Variants in EXT1 observed in about 807,000 individuals in gnomAD.
EXT1 encodes the protein exostosin glycosyltransferase 1.
EXT1 carries 20 observed loss-of-function variants against 82.5 expected under a neutral mutation model. The observed-to-expected ratio is 0.24, with a 90% confidence interval of 0.17 to 0.35. EXT1 has a LOEUF of 0.35. Ranked by LOEUF, EXT1 falls within the 10% of genes least tolerant of loss-of-function variation. The pLI is 1.00. For missense variants in EXT1, 757 were observed against 936.5 expected (o/e 0.81, Z 2.50); for synonymous variants, 348 against 350.8 (o/e 0.99, Z 0.09).
intron 1 of EXT1, among the ~76,000 whole-genome samples, chr8:117,959,286 C>G (rs1325901415): frequency 6.6e-6 from 1 of 152,176 alleles, no homozygotes; most frequent in African/African-American, 2.4e-5. Flanking sequence ...AAGCTCTAGC[C>G]TAGCACACAA....
intron 1 of EXT1, among the ~76,000 whole-genome samples, chr8:117,849,297 T>C (rs942865680): frequency 7.2e-5 from 11 of 152,178 alleles, no homozygotes; most frequent in African/African-American, 2.7e-4. Context: ...ACCTTCTTTC[T>C]CCCCAAATGT....
At chr8:117,874,162 G>A (rs1812925228) in intron 1 of EXT1, among the ~76,000 whole-genome samples, 1 of 152,148 alleles carries the variant, frequency 6.6e-6, no homozygotes, top group Non-Finnish European at 1.5e-5. Flanking sequence ...TTTTTAAATA[G>A]AAATGAACAG....
chr8:117,992,961 G>T (rs1221656776), intron 1 of EXT1, among the ~76,000 whole-genome samples: 1 of 152,190 alleles, frequency 6.6e-6, no homozygotes, highest in African/African-American at 2.4e-5. Flanking sequence ...CAGCATCTTA[G>T]CTGATTTCAC....
intron 1 of EXT1, among the ~76,000 whole-genome samples, chr8:118,100,471 G>A (rs190578208): frequency 5.3e-5 from 8 of 152,198 alleles, no homozygotes; most frequent in East Asian, 3.9e-4. Flanking sequence ...AATTGGAGGC[G>A]GGGTGCGGAG....
chr8:117,921,261 G>A (rs1320891428), intron 1 of EXT1, among the ~76,000 whole-genome samples: 2 of 152,106 alleles, frequency 1.3e-5, no homozygotes, highest in African/African-American at 2.4e-5. Context: ...GCTAACAGGT[G>A]CTCCTTTTAT....
intron 1 of EXT1, among the ~76,000 whole-genome samples, chr8:117,984,338 G>A (rs1037964397): frequency 4.6e-5 from 7 of 151,880 alleles, no homozygotes; most frequent in African/African-American, 1.7e-4. Flanking sequence ...AGAATCGCTT[G>A]AACCTGGGGT....
intron 1 of EXT1, among the ~76,000 whole-genome samples, chr8:118,014,049 C>A (rs1276997064): frequency 6.6e-6 from 1 of 152,176 alleles, no homozygotes; most frequent in Non-Finnish European, 1.5e-5. Flanking sequence ...GCAGTGATAA[C>A]ACCTCACAGG....
Position 118,075,482 on chromosome 8 carries a change from CATT to C in EXT1, c.962+34600_962+34602del, listed in dbSNP as rs199698287. ...AGTGTTTCTAACGACACAAGTTTCT[CATT>C]ATTTAAACAATGAAAGAAGTTCCTT... On this transcript the variant is annotated intron_variant, in intron 1 of 10. Transcript: ENST00000378204. Among the ~76,000 whole-genome samples, 327 of 152,276 alleles carry C rather than the reference CATT, an allele frequency of 2.1e-3. 3 individuals are homozygous for C. Among genetic ancestry groups the C allele is most frequent in the East Asian group, 9.3e-3 (48 of 5,182 alleles).
intron 1 of EXT1, among the ~76,000 whole-genome samples, chr8:117,903,896 C>A (rs1357511634): frequency 2.0e-5 from 3 of 152,210 alleles, no homozygotes; most frequent in South Asian, 2.1e-4. Context: ...TGGGAACAGT[C>A]AAATTCTTAG....
chr8:117,972,243 G>C (rs1159310031), intron 1 of EXT1, among the ~76,000 whole-genome samples: 2 of 151,902 alleles, frequency 1.3e-5, no homozygotes, highest in Admixed American at 6.6e-5. Context: ...GATTTCCAGA[G>C]TGCAGTCAAA....
chr8:117,857,374 A>G (rs1669161626), intron 1 of EXT1, among the ~76,000 whole-genome samples: 1 of 152,104 alleles, frequency 6.6e-6, no homozygotes, highest in Non-Finnish European at 1.5e-5. Context: ...TGGGCAACAT[A>G]GCAAGACCTC....
rs1760529468 is a variant in EXT1 at position 118,052,515 on chromosome 8, AT to A, written c.962+57569del. Among the ~76,000 whole-genome samples, 3 of 152,260 alleles carry A rather than the reference AT, an allele frequency of 2.0e-5. No individual in the cohort carries two copies. The South Asian group carries it at 6.2e-4, about 32-fold the overall frequency. On this transcript the variant is annotated intron_variant, in intron 1 of 10. Transcript: ENST00000378204. ...ACCTGAACTGCTGGAAGGATTTTAC[AT>A]ACTTGTAAGACAACTGGGCTAATGT...
intron 1 of EXT1, among the ~76,000 whole-genome samples, chr8:118,059,318 C>T (rs568134960): frequency 2.6e-5 from 4 of 152,268 alleles, no homozygotes; most frequent in East Asian, 1.9e-4. Context: ...ATACCCTTCC[C>T]GCTATGGTCC....
chr8:118,001,297 G>T (rs755832163), intron 1 of EXT1, among the ~76,000 whole-genome samples: 1 of 151,938 alleles, frequency 6.6e-6, no homozygotes, highest in Non-Finnish European at 1.5e-5. Context: ...GGCAATTCTC[G>T]TGCCTCAGCC....
At chr8:117,835,626 T>A in intron 2 of EXT1, 75 bp from the exon 3 acceptor site, 2 of 1,110,534 alleles carry the variant, frequency 1.8e-6, no homozygotes, top group Non-Finnish European at 2.8e-6. Context: ...GTGAAATCAG[T>A]ACAAACTCAA....
At chr8:117,896,704 A>G (rs1007153375) in intron 1 of EXT1, among the ~76,000 whole-genome samples, 2 of 152,324 alleles carry the variant, frequency 1.3e-5, no homozygotes, top group Non-Finnish European at 2.9e-5. Flanking sequence ...AAATATTAAA[A>G]TCAAACAAGG....
intron 1 of EXT1, among the ~76,000 whole-genome samples, chr8:118,030,110 T>G (rs1387348055): frequency 3.5e-4 from 53 of 152,128 alleles, no homozygotes; most frequent in Admixed American, 3.5e-3. Context: ...TTTAAAACCG[T>G]GCTTTTCTCT....
At chr8:117,932,255 C>G (rs1167674283) in intron 1 of EXT1, among the ~76,000 whole-genome samples, 2 of 152,090 alleles carry the variant, frequency 1.3e-5, no homozygotes, top group Non-Finnish European at 2.9e-5. Context: ...AACTTCAAAG[C>G]TTTGCTTGCA....
intron 1 of EXT1, among the ~76,000 whole-genome samples, chr8:117,894,649 A>G (rs1279257105): frequency 6.6e-6 from 1 of 152,104 alleles, no homozygotes; most frequent in Non-Finnish European, 1.5e-5. Flanking sequence ...TAAAGTGACT[A>G]TGAATTAGTT....
Sources: gnomAD v4.1 joint callset for allele counts (sites outside exome capture counted in the v4.1 genomes callset) on GRCh38, gnomAD v4.1.1 for gene constraint, MANE v1.5 for transcripts, NCBI Gene and HGNC (gene_info 2026-07-23, HGNC 2026-07-21) for gene names.